The following GCFC2 variants were observed in gnomAD, a reference collection of about 807,000 sequenced individuals.
GCFC2 encodes intron Large complex component GCFC2.
GCFC2 carries 102 observed loss-of-function variants against 99.4 expected under a neutral mutation model. That is an observed-to-expected ratio of 1.03 (90% CI 0.87 to 1.21). The LOEUF is 1.21. GCFC2 is among the 50% of genes most tolerant of loss of function. GCFC2 has a pLI of 0.00. For synonymous variants in GCFC2, 338 were observed against 316.8 expected (o/e 1.07, Z -0.71); for missense variants, 973 against 920.9 (o/e 1.06, Z -0.73).
chr2:75,683,714 GAC>G (rs1463325049), intron 11 of GCFC2, among the ~76,000 whole-genome samples: 1 of 124,318 alleles, frequency 8.0e-6, no homozygotes, highest in Admixed American at 1.1e-4. Flanking sequence ...CATGTAAAGA[GAC>G]ACACACTGGC....
At position 75,689,108 on chromosome 2, in the gene GCFC2, T is replaced by C. The variant is rs753947596; in HGVS notation, c.1457A>G (p.Tyr486Cys). The change falls in exon 10 of 17, where the codon TAT becomes TGT. Residue 486 changes from tyrosine to cysteine, a missense_variant. By Grantham distance (194) the Tyr-to-Cys change is radical. Transcript: ENST00000321027. ...TATGCATAAACTAATGAAAGCTTCA[T>C]AATAGGAGTCAGGAAACTTTTCTCG... ...QWREKFPDSY[Y>C]EAFISLCIPK... 1 of 1,597,280 alleles carries C rather than the reference T, an allele frequency of 6.3e-7. No homozygotes were observed. The highest frequency in any genetic ancestry group is 1.1e-5 in the South Asian group (1 of 90,206).
At chr2:75,666,903 G>C (rs971579910) in intron 15 of GCFC2, among the ~76,000 whole-genome samples, 7 of 152,096 alleles carry the variant, frequency 4.6e-5, no homozygotes, top group Admixed American at 4.6e-4. Context: ...CCAACTCAAA[G>C]TTCTAAGCTT....
At chr2:75,683,452 C>T (rs1679665733) in intron 11 of GCFC2, among the ~76,000 whole-genome samples, 2 of 151,922 alleles carry the variant, frequency 1.3e-5, no homozygotes, top group Non-Finnish European at 2.9e-5. Flanking sequence ...AAGCGCTAAA[C>T]ATGGAAAGGT....
chr2:75,698,881 A>G (rs920570860), intron 4 of GCFC2, among the ~76,000 whole-genome samples: 11 of 151,980 alleles, frequency 7.2e-5, no homozygotes, highest in African/African-American at 2.7e-4. Context: ...GCATGGTGGT[A>G]TGTACGTGTA....
chr2:75,679,151 A>C (rs1323704189), intron 12 of GCFC2, among the ~76,000 whole-genome samples: 1 of 152,070 alleles, frequency 6.6e-6, no homozygotes, highest in Admixed American at 6.5e-5. Flanking sequence ...TGTGCATCTT[A>C]TTTTCTCTGA....
chr2:75,710,679 G>A lies in GCFC2; in HGVS notation c.177C>T (p.His59=), dbSNP rs770382759. 49 of 1,524,682 alleles carry A rather than the reference G, an allele frequency of 3.2e-5. No individual in the cohort carries two copies. The South Asian group carries it at 5.8e-4, about 18-fold the overall frequency. The allele number at this position is 1,524,682 out of a possible 1,614,324, so 94.4% of individuals were successfully genotyped here. A position where few individuals can be genotyped will look rare whatever the true frequency, so the allele number is the denominator to read the frequency against. Residue 59 remains histidine, a synonymous_variant, in exon 1 of 17, where the codon CAC becomes CAT. Coordinates refer to ENST00000321027, the MANE Select transcript of GCFC2 (RefSeq NM_003203.5). ...CCCGGCCACGAGGGCCCCGAACCCG[G>A]TGGGGCAGTCCCGCCACCTGCGCGC... The part of the protein sequence containing the change: ...GGRAQVAGLP[H]RVRGPRGRGR...
At chr2:75,702,447 A>T in intron 2 of GCFC2, 24 bp from the exon 3 acceptor site, 1 of 1,588,674 alleles carries the variant, frequency 6.3e-7, no homozygotes, top group Non-Finnish European at 8.6e-7. Flanking sequence ...AGACGAGGAC[A>T]CTAAAAACCA....
Position 75,664,213 on chromosome 2 carries a change from T to C in GCFC2, c.*453A>G, listed in dbSNP as rs933865607. The C allele has an allele frequency of 1.2e-4, 18 of 152,362 alleles. No individual in the cohort carries two copies. The highest frequency in any genetic ancestry group is 4.3e-4 in the African/African-American group (18 of 41,478). 9.4% of individuals were successfully genotyped at this position (152,362 alleles called of 1,614,324 possible). A position where few individuals can be genotyped will look rare whatever the true frequency, so the allele number is the denominator to read the frequency against. ...GATAATTTGACAATCGGCACATGCC[T>C]TAATCATTTAATACTTAGCAAATAA... On this transcript the variant is annotated 3_prime_UTR_variant, in exon 17 of 17. Coordinates refer to ENST00000321027, the MANE Select transcript of GCFC2 (RefSeq NM_003203.5).
chr2:75,712,148 T>A (rs1681213735), upstream of GCFC2, among the ~76,000 whole-genome samples: 1 of 116,758 alleles, frequency 8.6e-6, no homozygotes, highest in African/African-American at 2.6e-5. Flanking sequence ...ATCAGCACCC[T>A]GTGTTTAGCT....
rs1003240184 is a variant in GCFC2 at position 75,692,061 on chromosome 2, G to A, written c.1060C>T (p.Leu354Phe). ...AAGGTCATAGCTTGTTTTAAAAGGAGTGCATGCATGGATGATTCTATTTCT... is the reference window on the plus strand; with the variant it reads ...AAGGTCATAGCTTGTTTTAAAAGGAATGCATGCATGGATGATTCTATTTCT... ...IQEIESSMHA[L>F]LLKQAMTFMK... is the part of the protein sequence containing the mutation. The change falls in exon 7 of 17, where the codon CTC (leucine) becomes TTC (phenylalanine). Residue 354 changes from leucine to phenylalanine, a missense_variant. Coordinates refer to ENST00000321027, the MANE Select transcript of GCFC2 (RefSeq NM_003203.5). 16 of 1,532,130 alleles carry A rather than the reference G, an allele frequency of 1.0e-5. No homozygotes were observed. Among genetic ancestry groups the A allele is most frequent in the Non-Finnish European group, 1.4e-5 (16 of 1,125,564 alleles). 94.9% of individuals were successfully genotyped at this position (1,532,130 alleles called of 1,614,324 possible).
At chr2:75,678,367 C>T (rs1212230476) in intron 12 of GCFC2, among the ~76,000 whole-genome samples, 1 of 152,176 alleles carries the variant, frequency 6.6e-6, no homozygotes, top group South Asian at 2.1e-4. Flanking sequence ...TCTCTCTGTA[C>T]ATCTTTCAAA....
intron 12 of GCFC2, among the ~76,000 whole-genome samples, chr2:75,675,256 C>T (rs909898865): frequency 6.6e-6 from 1 of 151,992 alleles, no homozygotes; most frequent in Non-Finnish European, 1.5e-5. Flanking sequence ...CAAATATGCA[C>T]CCTGTTCTCA....
upstream of GCFC2, among the ~76,000 whole-genome samples, chr2:75,712,569 C>G (rs943213631): frequency 6.6e-6 from 1 of 152,184 alleles, no homozygotes; most frequent in African/African-American, 2.4e-5. Flanking sequence ...GCAGTGGCAA[C>G]CCGCTCCGGT....
At chr2:75,698,445 T>C (rs747118281) in intron 4 of GCFC2, among the ~76,000 whole-genome samples, 4 of 152,114 alleles carry the variant, frequency 2.6e-5, no homozygotes, top group South Asian at 2.1e-4. Context: ...TGAAGAATGG[T>C]TAAGATTATG....
Position 75,694,265 on chromosome 2 carries a change from AT to A in GCFC2, c.995del (p.Asn332IlefsTer2). 9.5e-7 allele frequency: 1 copy of A among 1,056,374 alleles called. No homozygotes were observed. Among genetic ancestry groups the A allele is most frequent in the Non-Finnish European group, 1.4e-6 (1 of 704,634 alleles). 65.4% of individuals were successfully genotyped at this position (1,056,374 alleles called of 1,614,324 possible). ...CCTTTTCATTAAGGCAGTCAATTAA[AT>A]TTTCCACATAAATTTTCATGCTTTT... ...FYKSMKIYVE[N>X]LIDCLNEKII... On this transcript the variant is annotated frameshift_variant, in exon 6 of 17. Transcript: ENST00000321027. LOFTEE classifies it high-confidence loss of function.
rs1318553027 is a variant in GCFC2 at position 75,664,387 on chromosome 2, CTT to C, written c.*277_*278del. The stretch of plus-strand genomic sequence containing the variant: ...TTAGCAAGGTTTCTCCAGTTCCCCT[CTT>C]AAGAAAATTGAAAGACCAGCCAAAA... On this transcript the variant is annotated 3_prime_UTR_variant, in exon 17 of 17. Coordinates refer to ENST00000321027, the MANE Select transcript of GCFC2 (RefSeq NM_003203.5). The C allele has an allele frequency of 1.5e-5, 3 of 199,802 alleles. No homozygotes were observed. Among genetic ancestry groups the C allele is most frequent in the African/African-American group, 4.6e-5 (2 of 43,154 alleles). The allele number at this position is 199,802 out of a possible 1,614,324, so 12.4% of individuals were successfully genotyped here. A position where few individuals can be genotyped will look rare whatever the true frequency, so the allele number is the denominator to read the frequency against.
Position 75,692,391 on chromosome 2 carries a change from G to A in GCFC2, c.1021-291C>T, listed in dbSNP as rs187485907. On this transcript the variant is annotated intron_variant, in intron 6 of 16. Transcript: ENST00000321027. ...TGGGGGCCAGGATGTGGTAGCTCAT[G>A]CCTGTTATCCCAGCACTTTGGGAGG... Among the ~76,000 whole-genome samples, 81 of 152,140 alleles carry A rather than the reference G, an allele frequency of 5.3e-4. 1 individual carries two copies. Among genetic ancestry groups the A allele is most frequent in the East Asian group, 4.3e-3 (22 of 5,170 alleles).
chr2:75,673,293 G>A (rs1679201455), intron 13 of GCFC2, 151 bp downstream of exon 13: 3 of 583,712 alleles, frequency 5.1e-6, no homozygotes. Flanking sequence ...GGGCGACAGA[G>A]TGAGACTCAG....
rs1255623236 is a variant in GCFC2, at chr2:75,710,652, GC to G, written c.203del (p.Gly68AlafsTer103). The part of the protein sequence containing the change: ...PHRVRGPRGR[G>X]RVWASSRRAT... ...CACGCCGGGAGCTCGCCCAGACCCG[GC>G]CCCGGCCACGAGGGCCCCGAACCCG... On this transcript the variant is annotated frameshift_variant, in exon 1 of 17. Transcript: ENST00000321027. LOFTEE classifies it high-confidence loss of function. 3.3e-6 allele frequency: 5 copies of G among 1,518,450 alleles called. No homozygotes were observed. The highest frequency in any genetic ancestry group is 2.4e-5 in the South Asian group (2 of 82,470). The allele number at this position is 1,518,450 out of a possible 1,614,324, so 94.1% of individuals were successfully genotyped here. A position where few individuals can be genotyped will look rare whatever the true frequency, so the allele number is the denominator to read the frequency against.
Sources: allele counts gnomAD v4.1 joint callset (sites outside exome capture counted in the v4.1 genomes callset), GRCh38; gene constraint gnomAD v4.1.1; transcripts MANE v1.5; gene names NCBI Gene and HGNC (gene_info 2026-07-23, HGNC 2026-07-21).